Variants in MAP3K9 observed in about 807,000 individuals in gnomAD.
MAP3K9 encodes mitogen-activated protein kinase kinase kinase 9, also known as mixed lineage kinase 1 (tyr and ser/thr specificity).
Under a neutral mutation model 95.8 loss-of-function variants are expected in MAP3K9, and 46 were observed. The observed-to-expected ratio is 0.48, with a 90% confidence interval of 0.38 to 0.61. The LOEUF (loss-of-function observed/expected upper bound fraction) is 0.61, where lower values mean the gene tolerates loss of function less well. MAP3K9 is among the 20% of genes least tolerant of loss of function. The probability of loss-of-function intolerance (pLI) is 0.00; values close to 1 mark genes in which losing one functional copy is unlikely to be tolerated. For missense variants in MAP3K9, 1,296 were observed against 1,474.3 expected (o/e 0.88, Z 1.98); for synonymous variants, 533 against 593.8 (o/e 0.90, Z 1.49).
intron 1 of MAP3K9, among the ~76,000 whole-genome samples, chr14:70,806,302 T>A (rs1402419612): frequency 7.2e-5 from 11 of 152,238 alleles, no homozygotes; most frequent in Non-Finnish European, 1.6e-4. Flanking sequence ...CTCATGTAAC[T>A]TATAAGCAAC....
At chr14:70,801,181 T>C in intron 1 of MAP3K9, 101 bp from the exon 2 acceptor site, 1 of 1,118,020 alleles carries the variant, frequency 8.9e-7, no homozygotes, top group Non-Finnish European at 1.3e-6. Flanking sequence ...AAGTTGTCTG[T>C]TTACTGGGCC....
At position 70,734,539 on chromosome 14, in the gene MAP3K9, C is replaced by T. The variant is rs139613769; in HGVS notation, c.1914-41G>A. On this transcript the variant is annotated intron_variant, in intron 9 of 11. Transcript: ENST00000554752. Reference sequence around the variant, plus strand: ...AGAGGAAACTGTCAGAACTGGTTACCTTTCTTACTTGACCCTCAGCTCCAT... The same window carrying T: ...AGAGGAAACTGTCAGAACTGGTTACTTTTCTTACTTGACCCTCAGCTCCAT... The T allele has an allele frequency of 6.8e-5, 80 of 1,168,338 alleles. 1 individual carries two copies. In the African/African-American group the frequency reaches 1.1e-3, roughly 16 times the overall value. 72.4% of individuals were successfully genotyped at this position (1,168,338 alleles called of 1,614,324 possible). A position where few individuals can be genotyped will look rare whatever the true frequency, so the allele number is the denominator to read the frequency against.
intron 2 of MAP3K9, among the ~76,000 whole-genome samples, chr14:70,770,991 A>G (rs1182554617): frequency 6.6e-6 from 1 of 151,896 alleles, no homozygotes; most frequent in Non-Finnish European, 1.5e-5. Flanking sequence ...CTTTCCAAGA[A>G]GAAAAGGCAG....
intron 3 of MAP3K9, among the ~76,000 whole-genome samples, chr14:70,751,935 G>C (rs1250932885): frequency 1.3e-5 from 2 of 152,144 alleles, no homozygotes; most frequent in East Asian, 3.8e-4. Flanking sequence ...GCCCAGACCA[G>C]TTCTCAATTT....
intron 5 of MAP3K9, among the ~76,000 whole-genome samples, chr14:70,748,536 A>G (rs1438110392): frequency 6.6e-6 from 1 of 152,152 alleles, no homozygotes; most frequent in Non-Finnish European, 1.5e-5. Context: ...CTAGAAGTCT[A>G]TTGTAGAATC....
At chr14:70,751,084 C>T (rs1046480125) in intron 3 of MAP3K9, among the ~76,000 whole-genome samples, 3 of 152,092 alleles carry the variant, frequency 2.0e-5, no homozygotes, top group Non-Finnish European at 4.4e-5. Flanking sequence ...AAAAGTTTCA[C>T]AAGGGTAGAC....
At chr14:70,774,760 G>T (rs2139812240) in intron 2 of MAP3K9, among the ~76,000 whole-genome samples, 1 of 152,098 alleles carries the variant, frequency 6.6e-6, no homozygotes, top group East Asian at 1.9e-4. Flanking sequence ...GCCGAGGCAG[G>T]TGGATCATGA....
rs1483217886 is a variant in MAP3K9 at position 70,742,522 on chromosome 14, G to A, written c.1396C>T (p.Arg466Trp). Reference protein sequence around the residue: ...LQQKNQEELLRRREQELAERE... With the variant: ...LQQKNQEELLWRREQELAERE... Reference sequence around the variant, plus strand: ...TCGGCCAGCTCCTGCTCCCGACGCCGCAGCAGTTCCTCCTGGTTCTTCTGC... The same window carrying A: ...TCGGCCAGCTCCTGCTCCCGACGCCACAGCAGTTCCTCCTGGTTCTTCTGC... Residue 466 changes from arginine to tryptophan, a missense_variant, in exon 6 of 12, where the codon CGG (arginine) becomes TGG (tryptophan). This residue lies in a region of MAP3K9 where 377 missense variants were observed against 417.1 expected (regional missense o/e 0.90). Coordinates refer to ENST00000554752, the MANE Select transcript of MAP3K9 (RefSeq NM_001284230.2). The A allele has an allele frequency of 1.9e-6, 3 of 1,614,166 alleles. No individual in the cohort carries two copies. The highest frequency in any genetic ancestry group is 1.1e-5 in the South Asian group (1 of 91,086).
chr14:70,732,036 G>T (rs1042148734), intron 11 of MAP3K9, among the ~76,000 whole-genome samples: 3 of 152,192 alleles, frequency 2.0e-5, no homozygotes, highest in Non-Finnish European at 4.4e-5. Flanking sequence ...AGTCAGGGGT[G>T]AGTGTTGAAG....
At chr14:70,739,501 T>TTC (rs1466249465) in intron 7 of MAP3K9, among the ~76,000 whole-genome samples, 3 of 94,848 alleles carry the variant, frequency 3.2e-5, no homozygotes, top group Non-Finnish European at 4.6e-5. Context: ...TAGGTGTATG[T>TTC]TCACACACAC....
chr14:70,750,059 A>C lies in MAP3K9; in HGVS notation c.1024T>G (p.Leu342Val), dbSNP rs1300358993. The C allele has an allele frequency of 6.2e-7, 1 of 1,614,176 alleles. No homozygotes were observed. Among genetic ancestry groups the C allele is most frequent in the Admixed American group, 1.7e-5 (1 of 60,024 alleles). ...VWSYGVLLWE[L>V]LTGEVPFRGI... ...CGAAAGGGCACCTCACCAGTCAGCA[A>C]CTCCCAAAGTAGCACCCCATAGCTA... The change falls in exon 4 of 12, where the codon TTG becomes GTG. Residue 342 changes from leucine to valine, a missense_variant. Transcript: ENST00000554752.
At chr14:70,756,674 A>G (rs1221477900) in intron 3 of MAP3K9, among the ~76,000 whole-genome samples, 3 of 152,266 alleles carry the variant, frequency 2.0e-5, no homozygotes, top group African/African-American at 4.8e-5. Flanking sequence ...TAATACACAC[A>G]TAACAGTCAC....
intron 7 of MAP3K9, among the ~76,000 whole-genome samples, chr14:70,739,502 T>TCACACACACA (rs141869536): frequency 4.7e-5 from 7 of 148,394 alleles, no homozygotes; most frequent in Admixed American, 6.7e-5. Flanking sequence ...AGGTGTATGT[T>TCACACACACA]CACACACACA....
intron 5 of MAP3K9, among the ~76,000 whole-genome samples, chr14:70,746,489 CACTT>C (rs1053118881): frequency 4.6e-5 from 7 of 152,318 alleles, no homozygotes; most frequent in African/African-American, 1.4e-4. Context: ...ATCTTACTCT[CACTT>C]ACCAAACAAC....
At chr14:70,782,808 C>T (rs2054698272) in intron 2 of MAP3K9, among the ~76,000 whole-genome samples, 1 of 152,166 alleles carries the variant, frequency 6.6e-6, no homozygotes, top group African/African-American at 2.4e-5. Flanking sequence ...GAATATTACT[C>T]TACAAATCCT....
At chr14:70,753,020 G>A (rs1481546834) in intron 3 of MAP3K9, 1 of 152,238 alleles carries the variant, frequency 6.6e-6, no homozygotes, top group Non-Finnish European at 1.5e-5. Flanking sequence ...TACTGCCCAA[G>A]TAGGCAGAAT....
chr14:70,770,474 G>A (rs936621242), intron 2 of MAP3K9, among the ~76,000 whole-genome samples: 6 of 152,080 alleles, frequency 3.9e-5, no homozygotes, highest in Admixed American at 6.5e-5. Flanking sequence ...GTGAGCCACC[G>A]TGCCTGGCTC....
rs148083571 is a variant in MAP3K9, at chr14:70,730,612, G to C, written c.3083C>G (p.Thr1028Arg). 3 of 1,613,968 alleles carry C rather than the reference G, an allele frequency of 1.9e-6. No individual in the cohort carries two copies. The highest frequency in any genetic ancestry group is 1.1e-5 in the South Asian group (1 of 91,080). Residue 1028 changes from threonine (T) to arginine (R), a missense_variant, in exon 12 of 12, where the codon ACG becomes AGG. Coordinates refer to ENST00000554752, the MANE Select transcript of MAP3K9 (RefSeq NM_001284230.2). ...TSPANSSSTE[T>R]PSNLDSCFAS... Reference sequence around the variant, plus strand: ...AAAGCAGGAGTCCAGGTTGCTGGGCGTCTCTGTGCTGGAGCTGTTGGCTGG... The same window carrying C: ...AAAGCAGGAGTCCAGGTTGCTGGGCCTCTCTGTGCTGGAGCTGTTGGCTGG...
At position 70,749,981 on chromosome 14, in the gene MAP3K9, G is replaced by C; in HGVS notation, c.1102C>G (p.Leu368Val). The C allele has an allele frequency of 6.2e-7, 1 of 1,614,216 alleles. No homozygotes were observed. The highest frequency in any genetic ancestry group is 8.5e-7 in the Non-Finnish European group (1 of 1,180,034). Residue 368 changes from leucine (L) to valine (V), a missense_variant, in exon 4 of 12, where the codon CTT (leucine) becomes GTT (valine). Transcript: ENST00000554752. Reference sequence around the variant, plus strand: ...TCTGGGCACGTAGAAGGAATAGGAAGGGCGAGTTTGTTCATGGCCACTCCA... The same window carrying C: ...TCTGGGCACGTAGAAGGAATAGGAACGGCGAGTTTGTTCATGGCCACTCCA... ...AYGVAMNKLA[L>V]PIPSTCPEPF...
Sources: allele counts gnomAD v4.1 joint callset (sites outside exome capture counted in the v4.1 genomes callset), GRCh38; gene constraint gnomAD v4.1.1; regional missense constraint gnomAD v4.1.1; transcripts MANE v1.5; gene names NCBI Gene and HGNC (gene_info 2026-07-23, HGNC 2026-07-21).